KCNQ5: variants seen among roughly 807,000 people sequenced by gnomAD.
KCNQ5 encodes the protein potassium voltage-gated channel subfamily KQT member 5.
In KCNQ5, 30 loss-of-function variants were observed where a neutral mutation model predicts 98.2. That is an observed-to-expected ratio of 0.31 (90% CI 0.23 to 0.41). The LOEUF is 0.41. Among genes scored for constraint, KCNQ5 ranks in the 10% least tolerant of loss-of-function variants. KCNQ5 has a pLI of 1.00. For synonymous variants in KCNQ5, 458 were observed against 449.4 expected, an observed-to-expected ratio of 1.02 and a Z score of -0.24; for missense variants, 835 against 1,182.5, an observed-to-expected ratio of 0.71 and a Z score of 4.31.
chr6:72,909,521 T>C (rs1047659241), intron 1 of KCNQ5, among the ~76,000 whole-genome samples: 1 of 152,166 alleles, frequency 6.6e-6, no homozygotes, highest in Non-Finnish European at 1.5e-5. Flanking sequence ...AGGTAATGTT[T>C]GTAGTGGTTT....
At chr6:73,109,116 C>A (rs1191719456) in intron 6 of KCNQ5, among the ~76,000 whole-genome samples, 1 of 152,182 alleles carries the variant, frequency 6.6e-6, no homozygotes, top group African/African-American at 2.4e-5. Flanking sequence ...CATGATGAGA[C>A]AATAAGCAGA....
intron 1 of KCNQ5, among the ~76,000 whole-genome samples, chr6:72,929,738 A>G (rs564998757): frequency 2.0e-5 from 3 of 152,254 alleles, no homozygotes; most frequent in South Asian, 4.1e-4. Flanking sequence ...CAAAATCCAG[A>G]ACATGAAAAA....
At chr6:72,654,093 A>G (rs1161776864) in intron 1 of KCNQ5, among the ~76,000 whole-genome samples, 1 of 152,080 alleles carries the variant, frequency 6.6e-6, no homozygotes, top group Non-Finnish European at 1.5e-5. Flanking sequence ...GGAACATAAA[A>G]ATAGAAATGA....
chr6:73,157,648 G>T (rs2027543), intron 10 of KCNQ5: 34,673 of 774,844 alleles, frequency 0.045, 3,866 homozygotes, highest in African/African-American at 0.29. Context: ...TGATGGCTGG[G>T]GTCAGCTCTG....
At chr6:72,922,675 T>C (rs1460896863) in intron 1 of KCNQ5, among the ~76,000 whole-genome samples, 1 of 152,168 alleles carries the variant, frequency 6.6e-6, no homozygotes, top group Non-Finnish European at 1.5e-5. Flanking sequence ...TTTCTATGCC[T>C]GGTTTATTTC....
chr6:72,679,119 T>C (rs925004609), intron 1 of KCNQ5, among the ~76,000 whole-genome samples: 5 of 152,210 alleles, frequency 3.3e-5, no homozygotes, highest in Non-Finnish European at 7.3e-5. Context: ...TGGGAAATGA[T>C]GATGATGACA....
chr6:72,685,833 C>T (rs973343949), intron 1 of KCNQ5, among the ~76,000 whole-genome samples: 1 of 152,160 alleles, frequency 6.6e-6, no homozygotes, highest in Admixed American at 6.5e-5. Context: ...TTGGGCTCCT[C>T]TAAGAAAATA....
At chr6:73,144,117 G>T (rs1350310147) in intron 10 of KCNQ5, among the ~76,000 whole-genome samples, 1 of 152,144 alleles carries the variant, frequency 6.6e-6, no homozygotes, top group East Asian at 1.9e-4. Context: ...GGGAAACAAG[G>T]TTAAGTAAAG....
chr6:72,799,149 A>G (rs1254598832), intron 1 of KCNQ5, among the ~76,000 whole-genome samples: 2 of 152,102 alleles, frequency 1.3e-5, no homozygotes, highest in African/African-American at 4.8e-5. Flanking sequence ...TGCTTACACA[A>G]CTGTGGGGAC....
At chr6:72,738,193 A>C (rs1233058150) in intron 1 of KCNQ5, among the ~76,000 whole-genome samples, 2 of 152,012 alleles carry the variant, frequency 1.3e-5, no homozygotes, top group Admixed American at 6.6e-5. Flanking sequence ...GGGTGAAAAA[A>C]CTTTGAAAAG....
intron 1 of KCNQ5, among the ~76,000 whole-genome samples, chr6:72,703,257 G>C (rs1487040648): frequency 6.6e-6 from 1 of 152,142 alleles, no homozygotes; most frequent in African/African-American, 2.4e-5. Flanking sequence ...TCTTATCTTT[G>C]CCCATGCTGC....
intron 1 of KCNQ5, among the ~76,000 whole-genome samples, chr6:72,846,394 T>G (rs1253033211): frequency 6.6e-6 from 1 of 152,022 alleles, no homozygotes; most frequent in Non-Finnish European, 1.5e-5. Flanking sequence ...CTTCTAAAAT[T>G]GAAGTGGGGC....
At chr6:72,999,804 G>C (rs1056647128) in intron 1 of KCNQ5, among the ~76,000 whole-genome samples, 3 of 152,116 alleles carry the variant, frequency 2.0e-5, no homozygotes, top group Non-Finnish European at 4.4e-5. Flanking sequence ...ACATAATCTT[G>C]AAATGATGAG....
At chr6:73,024,528 C>G (rs1319808708) in intron 2 of KCNQ5, among the ~76,000 whole-genome samples, 1 of 152,034 alleles carries the variant, frequency 6.6e-6, no homozygotes, top group Non-Finnish European at 1.5e-5. Flanking sequence ...AAAAATTCAT[C>G]TGAAATGAGG....
intron 1 of KCNQ5, among the ~76,000 whole-genome samples, chr6:73,003,143 G>A (rs1370629486): frequency 6.6e-6 from 1 of 151,922 alleles, no homozygotes; most frequent in African/African-American, 2.4e-5. Context: ...CATTTTCCTT[G>A]GAAACTCAGC....
chr6:72,951,105 C>A (rs557841039), intron 1 of KCNQ5, among the ~76,000 whole-genome samples: 2 of 152,252 alleles, frequency 1.3e-5, no homozygotes, highest in South Asian at 2.1e-4. Context: ...TTTTCACATG[C>A]AAAGGAAGTA....
At chr6:73,154,484 A>G (rs1777275131) in intron 10 of KCNQ5, among the ~76,000 whole-genome samples, 1 of 152,178 alleles carries the variant, frequency 6.6e-6, no homozygotes, top group Admixed American at 6.5e-5. Flanking sequence ...ATTGTTCCTG[A>G]AGAGAAAAAC....
chr6:72,712,741 C>T (rs1012768619), intron 1 of KCNQ5, among the ~76,000 whole-genome samples: 2 of 152,164 alleles, frequency 1.3e-5, no homozygotes, highest in Non-Finnish European at 2.9e-5. Context: ...TTTTGCTTTA[C>T]TACCTCCTCC....
At chr6:72,655,160 G>A (rs1474913144) in intron 1 of KCNQ5, among the ~76,000 whole-genome samples, 1 of 142,318 alleles carries the variant, frequency 7.0e-6, no homozygotes, top group African/African-American at 2.7e-5. Context: ...CAGTAGCTAT[G>A]TGCAAACAAA....
Sources: allele counts gnomAD v4.1 joint callset (sites outside exome capture counted in the v4.1 genomes callset), GRCh38; gene constraint gnomAD v4.1.1; transcripts MANE v1.5; gene names NCBI Gene and HGNC (gene_info 2026-07-23, HGNC 2026-07-21).